The following MAS1 variants were observed in gnomAD, a reference collection of about 807,000 sequenced individuals.
MAS1 encodes MAS1 proto-oncogene, G protein-coupled receptor.
For missense variants in MAS1, 387 were observed against 409.7 expected (o/e 0.94, Z 0.48); for synonymous variants, 163 against 164.2 (o/e 0.99, Z 0.05).
intron 2 of MAS1, among the ~76,000 whole-genome samples, chr6:159,899,771 G>T (rs1782801660): frequency 6.6e-6 from 1 of 152,138 alleles, no homozygotes; most frequent in Admixed American, 6.5e-5. Flanking sequence ...AATGAGGCCG[G>T]GCGCGGTAGC....
In MAS1 at chr6:159,916,938, A is replaced by G. The variant is rs1157197780; in HGVS notation, c.*9005A>G. Among the ~76,000 whole-genome samples, 1 of 152,276 alleles carries G rather than the reference A, an allele frequency of 6.6e-6. No individual in the cohort carries two copies. Among genetic ancestry groups the G allele is most frequent in the Non-Finnish European group, 1.5e-5 (1 of 68,052 alleles). ...AAAAATTGAATTTCATGTAATTTTC[A>G]TGTCATAGAAATTCTTTCTTTTCCC... On this transcript the variant is annotated 3_prime_UTR_variant, in exon 3 of 3. Coordinates refer to ENST00000674077, the MANE Select transcript of MAS1 (RefSeq NM_002377.4).
In MAS1 at chr6:159,915,324, A is replaced by C. The variant is rs908003063; in HGVS notation, c.*7391A>C. 3.3e-5 allele frequency: 5 copies of C among 152,236 alleles called. No homozygotes were observed. Among genetic ancestry groups the C allele is most frequent in the Admixed American group, 3.3e-4 (5 of 15,286 alleles). 9.4% of individuals were successfully genotyped at this position (152,236 alleles called of 1,614,324 possible). ...ACCCTTTCTCCAGCCTCCCTGCCCC[A>C]TAAACCTATAAATCCCAAATTTATT... On this transcript the variant is annotated 3_prime_UTR_variant, in exon 3 of 3. Coordinates refer to ENST00000674077, the MANE Select transcript of MAS1 (RefSeq NM_002377.4).
In MAS1 at chr6:159,914,688, T is replaced by G. The variant is rs545055216; in HGVS notation, c.*6755T>G. 6.6e-6 allele frequency: 1 copy of G among 152,360 alleles called. No homozygotes were observed. The highest frequency in any genetic ancestry group is 2.4e-5 in the African/African-American group (1 of 41,552). 9.4% of individuals were successfully genotyped at this position (152,360 alleles called of 1,614,324 possible). ...TGTCCCCACTGATCAGAGCTCAGAG[T>G]GCACCAGTACACCAGTTGCTGCAAT... On this transcript the variant is annotated 3_prime_UTR_variant, in exon 3 of 3. Transcript: ENST00000674077.
chr6:159,898,585 T>TTCCTCC (rs1782783151), intron 1 of MAS1, among the ~76,000 whole-genome samples: 1 of 6,834 alleles, frequency 1.5e-4, no homozygotes, highest in Non-Finnish European at 3.0e-4. Flanking sequence ...CCTCTTCCTT[T>TTCCTCC]TCCCTGTTCC....
intron 1 of MAS1, among the ~76,000 whole-genome samples, chr6:159,898,168 A>G (rs2115110479): frequency 6.6e-6 from 1 of 152,226 alleles, no homozygotes; most frequent in Non-Finnish European, 1.5e-5. Flanking sequence ...CTGGGATTAC[A>G]AGTGTGAGCC....
At chr6:159,898,512 T>TCCTCCTCCG (rs1782780034) in intron 1 of MAS1, among the ~76,000 whole-genome samples, 1 of 139,964 alleles carries the variant, frequency 7.1e-6, no homozygotes, top group Admixed American at 7.0e-5. Context: ...CTCCTCCTCC[T>TCCTCCTCCG]CCTCCTCCTT....
rs1783034611 is a variant in MAS1, at chr6:159,916,983, T to TA, written c.*9057dup. Among the ~76,000 whole-genome samples, 2 of 152,222 alleles carry TA rather than the reference T, an allele frequency of 1.3e-5. No individual in the cohort carries two copies. Among genetic ancestry groups the TA allele is most frequent in the African/African-American group, 4.8e-5 (2 of 41,450 alleles). ...TTTCCCCTTCAACCATTTAAAAATG[T>TA]AAAAAAACTATTCTCAGCTTGTGGG... On this transcript the variant is annotated 3_prime_UTR_variant, in exon 3 of 3. Coordinates refer to ENST00000674077, the MANE Select transcript of MAS1 (RefSeq NM_002377.4).
intron 2 of MAS1, among the ~76,000 whole-genome samples, chr6:159,903,026 A>G (rs573081619): frequency 6.6e-6 from 1 of 152,054 alleles, no homozygotes; most frequent in African/African-American, 2.4e-5. Context: ...TCTGCACTTA[A>G]TACTGATAAC....
chr6:159,898,591 GTTC>G (rs1782783451), intron 1 of MAS1, among the ~76,000 whole-genome samples: 3 of 7,876 alleles, frequency 3.8e-4, no homozygotes, highest in Admixed American at 1.3e-3. Context: ...CCTTTTCCCT[GTTC>G]CTCCTTCCTC....
rs111927070 is a variant in MAS1, at chr6:159,907,000, G to A, written c.45G>A (p.Thr15=). 1.9e-6 allele frequency: 3 copies of A among 1,611,950 alleles called. No individual in the cohort carries two copies. Among genetic ancestry groups the A allele is most frequent in the African/African-American group, 1.3e-5 (1 of 74,854 alleles). The stretch of plus-strand genomic sequence containing the variant: ...CATCATTTGTTGTTGAGGAACCCAC[G>A]AACATCTCAACTGGCAGGAACGCCT... The part of the protein sequence containing the change: ...NVTSFVVEEP[T]NISTGRNASV... Residue 15 remains threonine, a synonymous_variant, in exon 3 of 3, where the codon ACG becomes ACA. Transcript: ENST00000674077.
chr6:159,902,911 A>C (rs1782839125), intron 2 of MAS1, among the ~76,000 whole-genome samples: 1 of 152,134 alleles, frequency 6.6e-6, no homozygotes, highest in South Asian at 2.1e-4. Flanking sequence ...CAGCGATTTC[A>C]GCATCTGTGG....
intron 2 of MAS1, among the ~76,000 whole-genome samples, chr6:159,904,366 C>T (rs1271199162): frequency 4.6e-5 from 7 of 152,228 alleles, no homozygotes. Context: ...CTGGACATGG[C>T]CTGGCTGCCT....
Position 159,910,207 on chromosome 6 carries a change from T to C in MAS1, c.*2274T>C, listed in dbSNP as rs1165469747. On this transcript the variant is annotated 3_prime_UTR_variant, in exon 3 of 3. Transcript: ENST00000674077. ...GCCTGTCCTAACTGAACGGGAAGGG[T>C]TTGTAGCATTCCTACTACAAAGATT... is the stretch of plus-strand genomic sequence containing the variant. The C allele has an allele frequency of 6.6e-6, 1 of 151,878 alleles. No individual in the cohort carries two copies. Among genetic ancestry groups the C allele is most frequent in the Non-Finnish European group, 1.5e-5 (1 of 67,954 alleles). The allele number at this position is 151,878 out of a possible 1,614,324, so 9.4% of individuals were successfully genotyped here. A position where few individuals can be genotyped will look rare whatever the true frequency, so the allele number is the denominator to read the frequency against.
rs755508039 is a variant in MAS1, at chr6:159,907,236, A to C, written c.281A>C (p.Asp94Ala). 1.2e-6 allele frequency: 2 copies of C among 1,614,152 alleles called. No homozygotes were observed. Among genetic ancestry groups the C allele is most frequent in the Non-Finnish European group, 1.7e-6 (2 of 1,180,026 alleles). ...IFILSIDYAL[D>A]YELSSGHYYT... is the part of the protein sequence containing the mutation. Reference sequence around the variant, plus strand: ...ATCTTGTCTATCGACTATGCTTTAGATTATGAGCTTTCTTCTGGCCATTAC... The same window carrying C: ...ATCTTGTCTATCGACTATGCTTTAGCTTATGAGCTTTCTTCTGGCCATTAC... The change falls in exon 3 of 3, where the codon GAT (aspartate) becomes GCT (alanine). Residue 94 changes from aspartate to alanine, a missense_variant. Transcript: ENST00000674077.
rs1393390767 is a variant in MAS1 at position 159,915,912 on chromosome 6, T to C, written c.*7979T>C. On this transcript the variant is annotated 3_prime_UTR_variant, in exon 3 of 3. Coordinates refer to ENST00000674077, the MANE Select transcript of MAS1 (RefSeq NM_002377.4). The stretch of plus-strand genomic sequence containing the variant: ...CCGACCCCCACCTCCTGCCCCTCAA[T>C]AGGGAGCATCACTCCCCGACGTCAA... The C allele has an allele frequency of 6.6e-6, 1 of 152,520 alleles. No homozygotes were observed. The highest frequency in any genetic ancestry group is 1.5e-5 in the Non-Finnish European group (1 of 68,344). The allele number at this position is 152,520 out of a possible 1,614,324, so 9.4% of individuals were successfully genotyped here.
intron 1 of MAS1, among the ~76,000 whole-genome samples, chr6:159,895,919 G>T (rs1782749511): frequency 6.6e-6 from 1 of 152,210 alleles, no homozygotes; most frequent in Non-Finnish European, 1.5e-5. Flanking sequence ...CACAAAATTT[G>T]CATCCATATG....
chr6:159,902,972 C>G (rs1284617064), intron 2 of MAS1, among the ~76,000 whole-genome samples: 1 of 152,050 alleles, frequency 6.6e-6, no homozygotes, highest in Non-Finnish European at 1.5e-5. Context: ...CTCAAATGAT[C>G]TTATCCTCCA....
At chr6:159,901,230 C>A (rs911917436) in intron 2 of MAS1, among the ~76,000 whole-genome samples, 2 of 152,124 alleles carry the variant, frequency 1.3e-5, no homozygotes, top group East Asian at 3.8e-4. Context: ...GCCCTATCAC[C>A]GAATAGAGTC....
In MAS1 at chr6:159,910,339, C is replaced by G. The variant is rs558383796; in HGVS notation, c.*2406C>G. On this transcript the variant is annotated 3_prime_UTR_variant, in exon 3 of 3. Transcript: ENST00000674077. ...AGAAAGAGACACCGCATAACTACAA[C>G]ACCAGGCTGCACACAAGTTTGTTTG... 6 of 152,362 alleles carry G rather than the reference C, an allele frequency of 3.9e-5. No individual in the cohort carries two copies. The highest frequency in any genetic ancestry group is 3.3e-4 in the Admixed American group (5 of 15,312). The allele number at this position is 152,362 out of a possible 1,614,324, so 9.4% of individuals were successfully genotyped here. A position where few individuals can be genotyped will look rare whatever the true frequency, so the allele number is the denominator to read the frequency against.
Sources: allele counts gnomAD v4.1 joint callset (sites outside exome capture counted in the v4.1 genomes callset), GRCh38; gene constraint gnomAD v4.1.1; transcripts MANE v1.5; gene names NCBI Gene and HGNC (gene_info 2026-07-23, HGNC 2026-07-21).